FBXW7: variants seen among roughly 807,000 people sequenced by gnomAD.
FBXW7 encodes the protein F-box/WD repeat-containing protein 7.
Under a neutral mutation model 86.3 loss-of-function variants are expected in FBXW7, and 11 were observed. That is an observed-to-expected ratio of 0.13 (90% CI 0.08 to 0.21). The LOEUF is 0.21. FBXW7 is among the 10% of genes least tolerant of loss of function. The pLI, the probability that FBXW7 is intolerant of heterozygous loss-of-function variation, is 1.00. For synonymous variants in FBXW7, 313 were observed against 297.9 expected (o/e 1.05, Z -0.52); for missense variants, 488 against 847.4 (o/e 0.58, Z 5.27).
chr4:152,518,167 T>G (rs1748681184), intron 2 of FBXW7, among the ~76,000 whole-genome samples: 1 of 151,976 alleles, frequency 6.6e-6, no homozygotes, highest in African/African-American at 2.4e-5. Context: ...TTTTCTATTT[T>G]TAGTAGAGAC....
At chr4:152,471,106 T>C (rs1302298407) in intron 2 of FBXW7, among the ~76,000 whole-genome samples, 1 of 151,782 alleles carries the variant, frequency 6.6e-6, no homozygotes, top group Admixed American at 6.6e-5. Flanking sequence ...GTAAGCCACA[T>C]CAATAGATTT....
chr4:152,348,899 AG>A, intron 5 of FBXW7: 1 of 166,238 alleles, frequency 6.0e-6, no homozygotes, highest in Non-Finnish European at 1.3e-5. Context: ...AAAGAGTAAC[AG>A]GAAGGGGGAC....
chr4:152,380,523 CT>C (rs1734970057), intron 4 of FBXW7, among the ~76,000 whole-genome samples: 1 of 151,582 alleles, frequency 6.6e-6, no homozygotes, highest in African/African-American at 2.4e-5. Context: ...GCTATTACAA[CT>C]GCAAGGCTAT....
intron 2 of FBXW7, among the ~76,000 whole-genome samples, chr4:152,464,892 AAG>A (rs1330531473): frequency 6.6e-6 from 1 of 152,208 alleles, no homozygotes; most frequent in African/African-American, 2.4e-5. Flanking sequence ...TTGGAAGAAA[AAG>A]GGGTCAGTAT....
chr4:152,449,244 T>G (rs1360821267), intron 2 of FBXW7, among the ~76,000 whole-genome samples: 2 of 152,202 alleles, frequency 1.3e-5, no homozygotes, highest in Admixed American at 1.3e-4. Flanking sequence ...TACTATAGAT[T>G]AATTTACAGA....
chr4:152,388,314 A>T (rs1174992517), intron 4 of FBXW7, among the ~76,000 whole-genome samples: 1 of 152,172 alleles, frequency 6.6e-6, no homozygotes, highest in East Asian at 1.9e-4. Context: ...TGGGTTCTGA[A>T]GCAGCACATA....
At chr4:152,507,518 G>A (rs1470555530) in intron 2 of FBXW7, among the ~76,000 whole-genome samples, 1 of 152,160 alleles carries the variant, frequency 6.6e-6, no homozygotes, top group Admixed American at 6.5e-5. Flanking sequence ...GCTACAAAAA[G>A]AATTACCGTG....
chr4:152,479,901 G>T (rs1454296166), intron 2 of FBXW7, among the ~76,000 whole-genome samples: 1 of 152,144 alleles, frequency 6.6e-6, no homozygotes, highest in African/African-American at 2.4e-5. Context: ...ATCCATTGAT[G>T]CTGTTGGCAC....
chr4:152,519,170 C>T (rs867547530), intron 2 of FBXW7, among the ~76,000 whole-genome samples: 13 of 151,968 alleles, frequency 8.6e-5, no homozygotes, highest in Non-Finnish European at 1.6e-4. Flanking sequence ...TAGCGGTGGG[C>T]GCCTGTAGTC....
intron 6 of FBXW7, among the ~76,000 whole-genome samples, chr4:152,340,760 C>T (rs1350283512): frequency 8.5e-5 from 13 of 152,084 alleles, no homozygotes; most frequent in Admixed American, 8.5e-4. Flanking sequence ...TGGAGTCCTT[C>T]CTGAACTCCA....
At chr4:152,365,987 A>G (rs1287359836) in intron 4 of FBXW7, among the ~76,000 whole-genome samples, 25 of 152,190 alleles carry the variant, frequency 1.6e-4, no homozygotes, top group Non-Finnish European at 1.5e-5. Flanking sequence ...AAAAATATTT[A>G]TATGAGATAA....
intron 2 of FBXW7, among the ~76,000 whole-genome samples, chr4:152,462,917 C>CTT (rs534922461): frequency 8.8e-4 from 112 of 127,064 alleles, no homozygotes; most frequent in African/African-American, 3.0e-3. Flanking sequence ...CACTTCCAGT[C>CTT]TTTTTTTTTT....
intron 2 of FBXW7, among the ~76,000 whole-genome samples, chr4:152,417,429 A>G (rs1738538085): frequency 6.6e-6 from 1 of 152,118 alleles, no homozygotes; most frequent in Admixed American, 6.6e-5. Flanking sequence ...GAGCCAAGCA[A>G]GTTAGGTATG....
chr4:152,463,945 G>A (rs1004864171), intron 2 of FBXW7, among the ~76,000 whole-genome samples: 3 of 152,102 alleles, frequency 2.0e-5, no homozygotes, highest in African/African-American at 7.2e-5. Flanking sequence ...TATTACAGAA[G>A]ACAAAGGAGA....
chr4:152,527,423 C>T (rs781665597), intron 2 of FBXW7, among the ~76,000 whole-genome samples: 1 of 151,984 alleles, frequency 6.6e-6, no homozygotes, highest in Non-Finnish European at 1.5e-5. Context: ...GGTATATTAC[C>T]CCTCATTCAC....
intron 6 of FBXW7, among the ~76,000 whole-genome samples, chr4:152,346,062 T>C (rs1257750247): frequency 1.3e-5 from 2 of 152,188 alleles, no homozygotes; most frequent in African/African-American, 4.8e-5. Flanking sequence ...ATCCTTGCCA[T>C]GTATTTTGCT....
chr4:152,337,242 T>C (rs1368743106), intron 7 of FBXW7, among the ~76,000 whole-genome samples: 1 of 151,856 alleles, frequency 6.6e-6, no homozygotes, highest in East Asian at 1.9e-4. Flanking sequence ...AAATCTGTAT[T>C]TGTGTAATGG....
chr4:152,350,077 C>T lies in FBXW7; in HGVS notation c.549G>A (p.Leu183=). 1 of 1,564,760 alleles carries T rather than the reference C, an allele frequency of 6.4e-7. No homozygotes were observed. The change falls in exon 5 of 14, where the codon TTG becomes TTA. Residue 183 remains leucine, a synonymous_variant. Transcript: ENST00000281708. Reference sequence around the variant, plus strand: ...CTGAGACTTTGCATGGTTTCTTTCCCAAAGAAAAAGAGCGGACCTCAGAAC... The same window carrying T: ...CTGAGACTTTGCATGGTTTCTTTCCTAAAGAAAAAGAGCGGACCTCAGAAC... ...DHGSEVRSFS[L]GKKPCKVSEY... is the part of the protein sequence containing the mutation.
chr4:152,510,018 A>C (rs1747812252), intron 2 of FBXW7, among the ~76,000 whole-genome samples: 1 of 152,224 alleles, frequency 6.6e-6, no homozygotes, highest in Non-Finnish European at 1.5e-5. Context: ...AAGAGGGGAA[A>C]TAAAGGGAAA....
Sources: allele counts gnomAD v4.1 joint callset (sites outside exome capture counted in the v4.1 genomes callset), GRCh38; gene constraint gnomAD v4.1.1; transcripts MANE v1.5; gene names NCBI Gene and HGNC (gene_info 2026-07-23, HGNC 2026-07-21).